The following KRTCAP2 variants were observed in gnomAD, a reference collection of about 807,000 sequenced individuals.
KRTCAP2 encodes the protein keratinocyte associated protein 2, also known as dolichyl-diphosphooligosaccharide--protein glycosyltransferase subunit KCP2.
A neutral mutation model predicts 16.5 loss-of-function variants in KRTCAP2; 10 were observed. The observed-to-expected ratio is 0.60, with a 90% CI of 0.37 to 1.02. KRTCAP2 has a LOEUF of 1.02. Among genes scored for constraint, KRTCAP2 ranks in the 50% least tolerant of loss-of-function variants. The pLI, the probability that KRTCAP2 is intolerant of heterozygous loss-of-function variation, is 0.01. For missense variants in KRTCAP2, 152 were observed against 159.6 expected, an observed-to-expected ratio of 0.95 and a Z score of 0.26; for synonymous variants, 68 against 69.8, an observed-to-expected ratio of 0.97 and a Z score of 0.13.
chr1:155,171,848 A>G, intron 3 of KRTCAP2: 1 of 133,744 alleles, frequency 7.5e-6, no homozygotes, highest in South Asian at 2.3e-4. Context: ...GCCTTGTCTC[A>G]AAAAAAAAAA....
At chr1:155,172,347 G>A in intron 3 of KRTCAP2, 1 of 1,406,254 alleles carries the variant, frequency 7.1e-7, no homozygotes, top group Non-Finnish European at 9.2e-7. Context: ...TGGCCAGAAG[G>A]TACCAAAGTT....
chr1:155,171,377 C>T (rs1665233525), intron 3 of KRTCAP2: 1 of 865,616 alleles, frequency 1.2e-6, no homozygotes, highest in Non-Finnish European at 1.4e-6. Context: ...TGGGTTCACA[C>T]CACTGTACTC....
intron 3 of KRTCAP2, chr1:155,170,088 A>C (rs1665190853): frequency 2.3e-6 from 1 of 427,026 alleles, no homozygotes; most frequent in Non-Finnish European, 4.4e-6. Flanking sequence ...CGGGAGGCTG[A>C]GGTGGGCAGA....
Position 155,169,422 on chromosome 1 carries a change from T to C in KRTCAP2, c.*18A>G, listed in dbSNP as rs1229685105. ...ACTCACAGAGCTACAAAGAATCAAC[T>C]TTATTGAACATTCAGGGTCAGTTTC... On this transcript the variant is annotated 3_prime_UTR_variant, in exon 5 of 5. Coordinates refer to ENST00000295682, the MANE Select transcript of KRTCAP2 (RefSeq NM_173852.4). 1 of 1,613,116 alleles carries C rather than the reference T, an allele frequency of 6.2e-7. No individual in the cohort carries two copies. Among genetic ancestry groups the C allele is most frequent in the Non-Finnish European group, 8.5e-7 (1 of 1,179,584 alleles).
intron 3 of KRTCAP2, chr1:155,171,479 G>A (rs1665242239): frequency 1.0e-6 from 1 of 984,398 alleles, no homozygotes; most frequent in South Asian, 4.7e-5. Flanking sequence ...ACCTAACAGA[G>A]AGAAGTCCCG....
intron 4 of KRTCAP2, 40 bp from the exon 5 acceptor site, chr1:155,169,600 A>G (rs373078272): frequency 3.6e-4 from 577 of 1,605,944 alleles, no homozygotes; most frequent in Non-Finnish European, 4.3e-4. Context: ...ACCAGTGGGC[A>G]TCTGCCAGCC....
intron 3 of KRTCAP2, 85 bp from the exon 4 acceptor site, chr1:155,169,942 GCT>G: frequency 1.1e-6 from 1 of 896,734 alleles, no homozygotes; most frequent in Non-Finnish European, 1.8e-6. Flanking sequence ...GAAATCCGGG[GCT>G]CTCTGAATCC....
chr1:155,173,202 A>G lies in KRTCAP2; in HGVS notation c.4+19T>C, dbSNP rs892306752. ...CGACCCCCTCTAGGACTTCCTGGGGACCCCACCGGTCCTGTTACCCATCAT... is the reference window on the plus strand; with the variant it reads ...CGACCCCCTCTAGGACTTCCTGGGGGCCCCACCGGTCCTGTTACCCATCAT... On this transcript the variant is annotated intron_variant, in intron 1 of 4. Transcript: ENST00000295682. The G allele has an allele frequency of 1.2e-6, 2 of 1,609,440 alleles. No individual in the cohort carries two copies. The highest frequency in any genetic ancestry group is 3.3e-5 in the Admixed American group (2 of 59,970).
In KRTCAP2 at chr1:155,173,273, G is replaced by A. The variant is rs971807557; in HGVS notation, c.-49C>T. 36 of 1,614,022 alleles carry A rather than the reference G, an allele frequency of 2.2e-5. No individual in the cohort carries two copies. Among genetic ancestry groups the A allele is most frequent in the Non-Finnish European group, 2.8e-5 (33 of 1,180,024 alleles). On this transcript the variant is annotated 5_prime_UTR_variant, in exon 1 of 5. Transcript: ENST00000295682. ...CGGCGCCTCTGGCCAAGAAAGGCGA[G>A]CTGAACCGGGTGCGGTTAGCTATGC... is the stretch of plus-strand genomic sequence containing the variant.
At chr1:155,172,297 G>T in intron 3 of KRTCAP2, 1 of 1,316,676 alleles carries the variant, frequency 7.6e-7, no homozygotes, top group South Asian at 1.6e-5. Context: ...CAAAACATCA[G>T]CCCAAATTTG....
At chr1:155,170,757 C>A (rs1342626861) in intron 3 of KRTCAP2, 3 of 152,196 alleles carry the variant, frequency 2.0e-5, no homozygotes, top group African/African-American at 7.2e-5. Flanking sequence ...GCAGAGAAGG[C>A]AAAGTGGGCC....
chr1:155,170,732 GC>G (rs1665212609), intron 3 of KRTCAP2: 1 of 152,258 alleles, frequency 6.6e-6, no homozygotes, highest in Non-Finnish European at 1.5e-5. Flanking sequence ...GGCCCCACCT[GC>G]CCAGGTGGAG....
Position 155,172,569 on chromosome 1 carries a change from A to T in KRTCAP2, c.219T>A (p.Pro73=), listed in dbSNP as rs942534687. Residue 73 remains proline, a synonymous_variant, in exon 3 of 5, where the codon CCT becomes CCA. Transcript: ENST00000295682. ...FGKGFQAKIF[P]EILLCLLLAL... ...CAAGCTCCAATATTCACTTACTCTC[A>T]GGGAAGATCTTTGCTTGGAATCCTT... 2 of 1,614,216 alleles carry T rather than the reference A, an allele frequency of 1.2e-6. No homozygotes were observed. Among genetic ancestry groups the T allele is most frequent in the Non-Finnish European group, 1.7e-6 (2 of 1,180,010 alleles).
Position 155,172,568 on chromosome 1 carries a change from C to G in KRTCAP2, c.220G>C (p.Glu74Gln). ...TCAAGCTCCAATATTCACTTACTCT[C>G]AGGGAAGATCTTTGCTTGGAATCCT... ...GKGFQAKIFP[E>Q]ILLCLLLALF... Residue 74 changes from glutamate to glutamine, a missense_variant, in exon 3 of 5, where the codon GAG becomes CAG. Physicochemically the swap from Glu to Gln is conservative, Grantham distance 29 (BLOSUM62 2). Coordinates refer to ENST00000295682, the MANE Select transcript of KRTCAP2 (RefSeq NM_173852.4). 6.2e-7 allele frequency: 1 copy of G among 1,614,266 alleles called. No individual in the cohort carries two copies. The highest frequency in any genetic ancestry group is 8.5e-7 in the Non-Finnish European group (1 of 1,180,054).
chr1:155,172,868 G>C lies in KRTCAP2; in HGVS notation c.29C>G (p.Ala10Gly), dbSNP rs1302131608. MVVGTGTSLALSSLLSLLLF... is the reference protein window; with the variant it reads MVVGTGTSLGLSSLLSLLLF... ...CAGCAGGGACAGGAGGGAGGAGAGCGCCAGCGAGGTGCCCGTACCCACCAC... is the reference window on the plus strand; with the variant it reads ...CAGCAGGGACAGGAGGGAGGAGAGCCCCAGCGAGGTGCCCGTACCCACCAC... The change falls in exon 2 of 5, where the codon GCG (alanine) becomes GGG (glycine). Residue 10 changes from alanine (A) to glycine (G), a missense_variant. By Grantham distance (60) the Ala-to-Gly change is moderately conservative. Coordinates refer to ENST00000295682, the MANE Select transcript of KRTCAP2 (RefSeq NM_173852.4). 2.5e-6 allele frequency: 4 copies of C among 1,614,002 alleles called. No individual in the cohort carries two copies. The highest frequency in any genetic ancestry group is 1.3e-5 in the African/African-American group (1 of 74,936).
intron 3 of KRTCAP2, chr1:155,170,805 T>A (rs1665215099): frequency 1.3e-5 from 2 of 151,892 alleles, no homozygotes; most frequent in South Asian, 4.1e-4. Context: ...CTTTTCTTTT[T>A]TTATTATTTT....
chr1:155,170,693 G>T (rs1386791963), intron 3 of KRTCAP2: 1 of 152,334 alleles, frequency 6.6e-6, no homozygotes, highest in African/African-American at 2.4e-5. Context: ...TGGGAGAGAA[G>T]GTGAGAGGAC....
chr1:155,172,647 G>A lies in KRTCAP2; in HGVS notation c.160-19C>T. ...TGAAGGCCTGGTTGAGGGAGTTAAG[G>A]AGTAGGGTGTGCAACGGGGACAGAG... On this transcript the variant is annotated intron_variant, in intron 2 of 4. Coordinates refer to ENST00000295682, the MANE Select transcript of KRTCAP2 (RefSeq NM_173852.4). The A allele has an allele frequency of 6.2e-7, 1 of 1,614,200 alleles. No homozygotes were observed. The highest frequency in any genetic ancestry group is 1.1e-5 in the South Asian group (1 of 91,082).
chr1:155,170,405 C>T (rs1045690756), intron 3 of KRTCAP2: 1 of 151,690 alleles, frequency 6.6e-6, no homozygotes, highest in Non-Finnish European at 1.5e-5. Context: ...AGCTCTGCCC[C>T]ATATCTCACA....
Sources: gnomAD v4.1 joint callset for allele counts on GRCh38, gnomAD v4.1.1 for gene constraint, MANE v1.5 for transcripts, NCBI Gene and HGNC (gene_info 2026-07-23, HGNC 2026-07-21) for gene names.